Variants in PPP1R9A observed in about 807,000 individuals in gnomAD.
PPP1R9A encodes the protein protein phosphatase 1 regulatory subunit 9A.
PPP1R9A carries 59 observed loss-of-function variants against 141.9 expected under a neutral mutation model. The ratio of observed to expected loss-of-function variants is 0.42; its 90% confidence interval spans 0.34 to 0.52. PPP1R9A has a LOEUF of 0.52. Among genes scored for constraint, PPP1R9A ranks in the 20% least tolerant of loss-of-function variants. The pLI, the probability that PPP1R9A is intolerant of heterozygous loss-of-function variation, is 0.10. For missense variants in PPP1R9A, 1,444 were observed against 1,611.9 expected, an observed-to-expected ratio of 0.90 and a Z score of 1.78; for synonymous variants, 500 against 569.7, an observed-to-expected ratio of 0.88 and a Z score of 1.74.
chr7:95,004,616 T>C (rs2151553322), intron 2 of PPP1R9A, among the ~76,000 whole-genome samples: 1 of 152,292 alleles, frequency 6.6e-6, no homozygotes, highest in Non-Finnish European at 1.5e-5. Context: ...AAATGAACCT[T>C]CTTTAGAGGG....
At chr7:95,289,547 C>T (rs1428344609) in intron 19 of PPP1R9A, among the ~76,000 whole-genome samples, 2 of 152,188 alleles carry the variant, frequency 1.3e-5, no homozygotes, top group Non-Finnish European at 2.9e-5. Context: ...CGAGCAACCT[C>T]CTCATTATAA....
chr7:95,097,016 A>T (rs1486535032), intron 2 of PPP1R9A, among the ~76,000 whole-genome samples: 3 of 151,974 alleles, frequency 2.0e-5, no homozygotes, highest in Non-Finnish European at 4.4e-5. Context: ...GGTTACAATG[A>T]CAGGTCTGAG....
chr7:94,970,881 C>A (rs2151222547), intron 2 of PPP1R9A, among the ~76,000 whole-genome samples: 1 of 152,102 alleles, frequency 6.6e-6, no homozygotes, highest in Middle Eastern at 3.4e-3. Flanking sequence ...CTAACCATGG[C>A]TTTAGTATTT....
At chr7:94,997,715 G>A (rs182906361) in intron 2 of PPP1R9A, among the ~76,000 whole-genome samples, 9 of 152,222 alleles carry the variant, frequency 5.9e-5, no homozygotes, top group Admixed American at 2.6e-4. Flanking sequence ...AGCTATTGGC[G>A]TAAGGGGCCT....
At chr7:94,933,584 C>G (rs780313002) in intron 2 of PPP1R9A, among the ~76,000 whole-genome samples, 10 of 152,106 alleles carry the variant, frequency 6.6e-5, no homozygotes, top group Admixed American at 3.3e-4. Flanking sequence ...TCAGAAGAAA[C>G]AAAGCTTTTG....
At chr7:94,993,463 T>C (rs1160536022) in intron 2 of PPP1R9A, among the ~76,000 whole-genome samples, 1 of 152,200 alleles carries the variant, frequency 6.6e-6, no homozygotes, top group Non-Finnish European at 1.5e-5. Context: ...TTTGTATTGT[T>C]TGGAATCTGT....
intron 2 of PPP1R9A, among the ~76,000 whole-genome samples, chr7:95,031,281 T>C (rs534210275): frequency 1.1e-3 from 166 of 152,312 alleles, no homozygotes; most frequent in South Asian, 2.5e-3. Context: ...AGATGTAACA[T>C]TAAATTTCTA....
intron 8 of PPP1R9A, among the ~76,000 whole-genome samples, chr7:95,228,287 T>C (rs1357994974): frequency 6.6e-6 from 1 of 152,234 alleles, no homozygotes. Flanking sequence ...CTTATTATCA[T>C]GTCCTCAGTC....
intron 2 of PPP1R9A, among the ~76,000 whole-genome samples, chr7:95,058,571 G>A (rs1465708018): frequency 6.6e-6 from 1 of 152,120 alleles, no homozygotes; most frequent in East Asian, 1.9e-4. Context: ...AGAGAGGCAG[G>A]AAGAAGACGA....
At chr7:95,074,025 A>G (rs368863660) in intron 2 of PPP1R9A, among the ~76,000 whole-genome samples, 1 of 152,344 alleles carries the variant, frequency 6.6e-6, no homozygotes. Context: ...TGCTGCTTGG[A>G]ATTGAACCCC....
At chr7:95,187,681 T>C (rs1325922038) in intron 5 of PPP1R9A, among the ~76,000 whole-genome samples, 1 of 152,164 alleles carries the variant, frequency 6.6e-6, no homozygotes, top group East Asian at 1.9e-4. Context: ...TGCTGTGTCC[T>C]AGAAGTTTTA....
At chr7:94,985,947 T>G (rs854738) in intron 2 of PPP1R9A, among the ~76,000 whole-genome samples, 100,789 of 152,130 alleles carry the variant, frequency 0.66, 34,409 homozygotes, top group African/African-American at 0.82. Context: ...GATTTGGCTG[T>G]TGGGAGGAGG....
intron 8 of PPP1R9A, among the ~76,000 whole-genome samples, chr7:95,235,511 C>A (rs1423885398): frequency 7.9e-5 from 12 of 152,128 alleles, no homozygotes; most frequent in African/African-American, 2.9e-4. Flanking sequence ...ATCAAAAAAT[C>A]AAAAAATAAC....
intron 2 of PPP1R9A, among the ~76,000 whole-genome samples, chr7:95,007,352 T>C (rs1803764792): frequency 6.6e-6 from 1 of 152,132 alleles, no homozygotes; most frequent in Admixed American, 6.5e-5. Flanking sequence ...CTCACCCCAA[T>C]AGATGCCAGT....
At chr7:95,218,413 G>A (rs1793840800) in intron 7 of PPP1R9A, among the ~76,000 whole-genome samples, 1 of 152,192 alleles carries the variant, frequency 6.6e-6, no homozygotes, top group African/African-American at 2.4e-5. Flanking sequence ...TGGAATAAGT[G>A]CGATGTGGTG....
rs1011997655 is a variant in PPP1R9A, at chr7:95,295,953, A to G, written c.*5650A>G. The G allele has an allele frequency of 6.6e-6, 1 of 152,646 alleles. No individual in the cohort carries two copies. Among genetic ancestry groups the G allele is most frequent in the African/African-American group, 2.4e-5 (1 of 41,452 alleles). The allele number at this position is 152,646 out of a possible 1,614,324, so 9.5% of individuals were successfully genotyped here. On this transcript the variant is annotated 3_prime_UTR_variant, in exon 20 of 20. Coordinates refer to ENST00000433360, the MANE Select transcript of PPP1R9A (RefSeq NM_001166160.2). ...GTACACCTGCTACACCTTACTGACA[A>G]AACTGGGCAGCTGAAAATAAAAGAG...
rs184314902 is a variant in PPP1R9A, at chr7:95,004,428, A to T, written c.1395+92920A>T. Among the ~76,000 whole-genome samples, 746 of 152,286 alleles carry T rather than the reference A, an allele frequency of 4.9e-3. 1 individual carries two copies. Among genetic ancestry groups the T allele is most frequent in the Admixed American group, 0.011 (165 of 15,284 alleles). ...GTGAGACATGTTTAAAAATCTTTAAAGAAAGCTTACTTTGTCACTATCCCA... is the reference window on the plus strand; with the variant it reads ...GTGAGACATGTTTAAAAATCTTTAATGAAAGCTTACTTTGTCACTATCCCA... On this transcript the variant is annotated intron_variant, in intron 2 of 19. Transcript: ENST00000433360.
chr7:94,931,388 G>A (rs974156957), intron 2 of PPP1R9A, among the ~76,000 whole-genome samples: 10 of 152,002 alleles, frequency 6.6e-5, no homozygotes, highest in African/African-American at 1.9e-4. Context: ...GCCCAGTGTC[G>A]TACAGTGGTA....
At chr7:94,924,488 CTTTA>C (rs1380449287) in intron 2 of PPP1R9A, among the ~76,000 whole-genome samples, 3 of 152,060 alleles carry the variant, frequency 2.0e-5, no homozygotes, top group Non-Finnish European at 2.9e-5. Flanking sequence ...TAATACAATT[CTTTA>C]TTTATTTAGT....
Sources: gnomAD v4.1 joint callset for allele counts (sites outside exome capture counted in the v4.1 genomes callset) on GRCh38, gnomAD v4.1.1 for gene constraint, MANE v1.5 for transcripts, NCBI Gene and HGNC (gene_info 2026-07-23, HGNC 2026-07-21) for gene names.